Variants in KCND2 observed in about 807,000 individuals in gnomAD.
KCND2 encodes A-type voltage-gated potassium channel KCND2.
In KCND2, 16 loss-of-function variants were observed where a neutral mutation model predicts 54.4. That is an observed-to-expected ratio of 0.29 (90% CI 0.20 to 0.45). The LOEUF (loss-of-function observed/expected upper bound fraction) is 0.45, where lower values mean the gene tolerates loss of function less well. Among genes scored for constraint, KCND2 ranks in the 20% least tolerant of loss-of-function variants. The probability of loss-of-function intolerance (pLI) is 1.00; values close to 1 mark genes in which losing one functional copy is unlikely to be tolerated. For missense variants in KCND2, 486 were observed against 824.2 expected (o/e 0.59, Z 5.02); for synonymous variants, 317 against 310.7 (o/e 1.02, Z -0.21).
chr7:120,716,885 G>A (rs923287703), intron 1 of KCND2, among the ~76,000 whole-genome samples: 2 of 151,942 alleles, frequency 1.3e-5, no homozygotes, highest in Admixed American at 1.3e-4. Flanking sequence ...CAAGATCCCC[G>A]GTGGATGCCT....
At position 120,650,863 on chromosome 7, in the gene KCND2, A is replaced by T. The variant is rs941678337; in HGVS notation, c.1116-82040A>T. Among the ~76,000 whole-genome samples, 3 of 143,218 alleles carry T rather than the reference A, an allele frequency of 2.1e-5. 1 individual carries two copies. The highest frequency in any genetic ancestry group is 8.2e-5 in the African/African-American group (3 of 36,468). The allele number at this position is 143,218 out of a possible 152,430, so 94.0% of individuals were successfully genotyped here. On this transcript the variant is annotated intron_variant, in intron 1 of 5. Transcript: ENST00000331113. ...GGACCCTCAGCTGCAGGTCTGTTGG[A>T]GTTTGCTGGAGGTCCACTCCAGACC...
intron 1 of KCND2, among the ~76,000 whole-genome samples, chr7:120,335,452 TTTATTTACTTAC>T (rs1319172763): frequency 7.4e-6 from 1 of 134,528 alleles, no homozygotes; most frequent in Non-Finnish European, 1.5e-5. Flanking sequence ...TATTTATTTA[TTTATTTACTTAC>T]TTACTTATTT....
chr7:120,664,190 T>C (rs1174484987), intron 1 of KCND2, among the ~76,000 whole-genome samples: 1 of 152,128 alleles, frequency 6.6e-6, no homozygotes, highest in East Asian at 1.9e-4. Flanking sequence ...GGTTGGTTTT[T>C]CGGCCTTCTT....
chr7:120,680,333 T>C (rs1792123150), intron 1 of KCND2, among the ~76,000 whole-genome samples: 4 of 152,132 alleles, frequency 2.6e-5, no homozygotes, highest in Admixed American at 2.6e-4. Flanking sequence ...TCTTCTGCAC[T>C]CATCACTATC....
At chr7:120,556,414 A>G (rs1042207169) in intron 1 of KCND2, among the ~76,000 whole-genome samples, 4 of 152,226 alleles carry the variant, frequency 2.6e-5, no homozygotes, top group Admixed American at 6.5e-5. Context: ...AGAGAACTCA[A>G]TAAAGAGCCT....
At chr7:120,699,186 G>T (rs1250287969) in intron 1 of KCND2, among the ~76,000 whole-genome samples, 11 of 151,910 alleles carry the variant, frequency 7.2e-5, no homozygotes, top group Non-Finnish European at 1.3e-4. Context: ...GGAGGCTGAG[G>T]CAGGAGAATG....
At chr7:120,667,227 G>A (rs774874961) in intron 1 of KCND2, among the ~76,000 whole-genome samples, 1 of 151,940 alleles carries the variant, frequency 6.6e-6, no homozygotes, top group African/African-American at 2.4e-5. Flanking sequence ...TATGGCTGCC[G>A]GTTAGAGTGA....
chr7:120,528,629 T>G (rs1791805906), intron 1 of KCND2, among the ~76,000 whole-genome samples: 1 of 152,126 alleles, frequency 6.6e-6, no homozygotes, highest in African/African-American at 2.4e-5. Context: ...CCAGTAGAGA[T>G]AACACAAAGC....
At chr7:120,543,669 TTGTAA>T (rs1792010160) in intron 1 of KCND2, among the ~76,000 whole-genome samples, 1 of 152,044 alleles carries the variant, frequency 6.6e-6, no homozygotes, top group South Asian at 2.1e-4. Flanking sequence ...ACAGAGACTA[TTGTAA>T]TGTATGTACA....
intron 1 of KCND2, among the ~76,000 whole-genome samples, chr7:120,345,529 A>G (rs144324340): frequency 6.6e-6 from 1 of 152,284 alleles, no homozygotes; most frequent in African/African-American, 2.4e-5. Flanking sequence ...GTACCTATTA[A>G]GCAACAGCAT....
chr7:120,576,514 G>A (rs1186126012), intron 1 of KCND2, among the ~76,000 whole-genome samples: 2 of 84,556 alleles, frequency 2.4e-5, no homozygotes, highest in African/African-American at 5.6e-5. Flanking sequence ...AGCTCACAGA[G>A]CATGAAAATT....
intron 1 of KCND2, among the ~76,000 whole-genome samples, chr7:120,395,850 C>T (rs952155669): frequency 1.3e-5 from 2 of 151,868 alleles, no homozygotes; most frequent in Non-Finnish European, 2.9e-5. Flanking sequence ...GGGTTGCTGG[C>T]CTCTTCACTG....
intron 1 of KCND2, among the ~76,000 whole-genome samples, chr7:120,565,962 A>G (rs2116418105): frequency 6.6e-6 from 1 of 152,308 alleles, no homozygotes; most frequent in South Asian, 2.1e-4. Context: ...CTATTTATCA[A>G]GCAAAACTTA....
In KCND2 at chr7:120,747,832, A is replaced by G; in HGVS notation, c.1867A>G (p.Asn623Asp). 6.2e-7 allele frequency: 1 copy of G among 1,612,234 alleles called. No homozygotes were observed. Among genetic ancestry groups the G allele is most frequent in the Non-Finnish European group, 8.5e-7 (1 of 1,178,750 alleles). Reference sequence around the variant, plus strand: ...AGAATCCCCTGAGTACTCAGGAGGAAATATTGTCAGAGTTTCTGCTTTGTA... The same window carrying G: ...AGAATCCCCTGAGTACTCAGGAGGAGATATTGTCAGAGTTTCTGCTTTGTA... ...RPESPEYSGG[N>D]IVRVSAL is the part of the protein sequence containing the mutation. Residue 623 changes from asparagine (N) to aspartate (D), a missense_variant, in exon 6 of 6, where the codon AAT (asparagine) becomes GAT (aspartate). By Grantham distance (23) the Asn-to-Asp change is conservative. Coordinates refer to ENST00000331113, the MANE Select transcript of KCND2 (RefSeq NM_012281.3).
intron 1 of KCND2, among the ~76,000 whole-genome samples, chr7:120,342,780 A>G (rs1190853247): frequency 6.6e-6 from 1 of 152,180 alleles, no homozygotes; most frequent in African/African-American, 2.4e-5. Flanking sequence ...GGGAAATTTA[A>G]AGACAATGCA....
chr7:120,709,447 A>G (rs1217840215), intron 1 of KCND2, among the ~76,000 whole-genome samples: 2 of 152,140 alleles, frequency 1.3e-5, no homozygotes, highest in African/African-American at 2.4e-5. Context: ...AACTAACTCA[A>G]TTGTTTTTAT....
Position 120,275,340 on chromosome 7 carries a change from C to T in KCND2, c.708C>T (p.Cys236=), listed in dbSNP as rs183473998. The T allele has an allele frequency of 1.7e-4, 273 of 1,613,696 alleles. No individual in the cohort carries two copies. In the East Asian group the frequency reaches 5.8e-3, roughly 34 times the overall value. ...AVAFFCLDTA[C]VMIFTVEYLL... ...CCTTCTTCTGCTTGGACACGGCCTG[C>T]GTCATGATCTTCACAGTTGAGTATT... Residue 236 remains cysteine (C), a synonymous_variant, in exon 1 of 6, where the codon TGC becomes TGT. Transcript: ENST00000331113.
chr7:120,480,322 A>T (rs1584795943), intron 1 of KCND2, among the ~76,000 whole-genome samples: 1 of 152,144 alleles, frequency 6.6e-6, no homozygotes, highest in African/African-American at 2.4e-5. Context: ...TGGGGGCAAT[A>T]GGAGGGTGAA....
At chr7:120,373,252 T>G (rs1800787497) in intron 1 of KCND2, among the ~76,000 whole-genome samples, 1 of 151,872 alleles carries the variant, frequency 6.6e-6, no homozygotes, top group Non-Finnish European at 1.5e-5. Context: ...TCATTTTTCT[T>G]CCATAAATAA....
Sources: gnomAD v4.1 joint callset for allele counts (sites outside exome capture counted in the v4.1 genomes callset) on GRCh38, gnomAD v4.1.1 for gene constraint, MANE v1.5 for transcripts, NCBI Gene and HGNC (gene_info 2026-07-23, HGNC 2026-07-21) for gene names.